The following ADARB2 variants were observed in gnomAD, a reference collection of about 807,000 sequenced individuals.
ADARB2 encodes the protein inactive double-stranded RNA-specific editase B2.
A neutral mutation model predicts 62.2 loss-of-function variants in ADARB2; 25 were observed. That is an observed-to-expected ratio of 0.40 (90% CI 0.29 to 0.56). ADARB2 has a LOEUF of 0.56. Ranked by LOEUF, ADARB2 falls within the 20% of genes least tolerant of loss-of-function variation. The pLI, the probability that ADARB2 is intolerant of heterozygous loss-of-function variation, is 0.43. For synonymous variants in ADARB2, 572 were observed against 500.8 expected, an observed-to-expected ratio of 1.14 and a Z score of -1.90; for missense variants, 1,071 against 1,077.4, an observed-to-expected ratio of 0.99 and a Z score of 0.08.
Position 1,249,001 on chromosome 10 carries a change from C to T in ADARB2, c.1193-6702G>A, listed in dbSNP as rs531853095. Among the ~76,000 whole-genome samples the T allele has an allele frequency of 2.0e-5, 3 of 152,308 alleles. No homozygotes were observed. In the South Asian group the frequency reaches 6.2e-4, roughly 32 times the overall value. On this transcript the variant is annotated intron_variant, in intron 4 of 9. Transcript: ENST00000381312. ...TATCATGGAATGCCTAAATCATTGC[C>T]ATACTGACGTAGCCTGCACAACAAA...
intron 1 of ADARB2, among the ~76,000 whole-genome samples, chr10:1,554,119 C>A (rs765080203): frequency 2.0e-5 from 3 of 152,152 alleles, no homozygotes; most frequent in Non-Finnish European, 4.4e-5. Flanking sequence ...CTCATCTCAG[C>A]GGCCCTATTT....
rs375729590 is a variant in ADARB2, at chr10:1,502,936, C to T, written c.101-123776G>A. ...TATGGTGCCATTTATTTTCTGTCAC[C>T]ATCTTATTCATTTCCTTATTTTTTG... is the stretch of plus-strand genomic sequence containing the variant. On this transcript the variant is annotated intron_variant, in intron 1 of 9. Coordinates refer to ENST00000381312, the MANE Select transcript of ADARB2 (RefSeq NM_018702.4). Among the ~76,000 whole-genome samples, 233 of 152,150 alleles carry T rather than the reference C, an allele frequency of 1.5e-3. 1 individual carries two copies. The South Asian group carries it at 0.017, about 11-fold the overall frequency.
chr10:1,363,293 G>T lies in ADARB2; in HGVS notation c.812C>A (p.Pro271His). The T allele has an allele frequency of 8.1e-7, 1 of 1,233,902 alleles. No homozygotes were observed. The highest frequency in any genetic ancestry group is 1.0e-6 in the Non-Finnish European group (1 of 987,766). The allele number at this position is 1,233,902 out of a possible 1,614,324, so 76.4% of individuals were successfully genotyped here. Reference sequence around the variant, plus strand: ...GGGGTTGCGCTCGCCCGGGGCCGCGGGGGTGGCGGGGGTCGGGCCCACCAG... The same window carrying T: ...GGGGTTGCGCTCGCCCGGGGCCGCGTGGGTGGCGGGGGTCGGGCCCACCAG... ...LDLVGPTPAT[P>H]AAPGERNPVV... Residue 271 changes from proline to histidine, a missense_variant, in exon 3 of 10, where the codon CCC becomes CAC. By Grantham distance (77) the Pro-to-His change is moderately conservative. Transcript: ENST00000381312.
rs983434381 is a variant in ADARB2 at position 1,665,649 on chromosome 10, T to A, written c.100+71402A>T. 2.0e-5 allele frequency among the ~76,000 whole-genome samples: 3 copies of A among 152,274 alleles called. No homozygotes were observed. In the East Asian group the frequency reaches 5.8e-4, roughly 29 times the overall value. ...CTGGGAGGGGAAATGTCAGCCATTC[T>A]GAGGCAGCTCAGGGAAATCCAACTC... is the stretch of plus-strand genomic sequence containing the variant. On this transcript the variant is annotated intron_variant, in intron 1 of 9. Coordinates refer to ENST00000381312, the MANE Select transcript of ADARB2 (RefSeq NM_018702.4).
chr10:1,367,261 C>T (rs957789768), intron 2 of ADARB2, among the ~76,000 whole-genome samples: 2 of 152,178 alleles, frequency 1.3e-5, no homozygotes, highest in African/African-American at 2.4e-5. Flanking sequence ...GTTCTCCTGC[C>T]GAAGGCTCTG....
Position 1,209,115 on chromosome 10 carries a change from T to C in ADARB2, c.1682+7836A>G, listed in dbSNP as rs143428639. Among the ~76,000 whole-genome samples, 166 of 152,210 alleles carry C rather than the reference T, an allele frequency of 1.1e-3. 2 individuals are homozygous for C. Among genetic ancestry groups the C allele is most frequent in the African/African-American group, 3.8e-3 (158 of 41,514 alleles). The stretch of plus-strand genomic sequence containing the variant: ...GGCGGAGAACATTAGGTGTGCATTG[T>C]GGGAGACACACAGGATGGAGACAAA... On this transcript the variant is annotated intron_variant, in intron 7 of 9. Transcript: ENST00000381312.
intron 4 of ADARB2, among the ~76,000 whole-genome samples, chr10:1,250,847 T>G (rs572138307): frequency 6.6e-6 from 1 of 152,186 alleles, no homozygotes; most frequent in East Asian, 1.9e-4. Flanking sequence ...ATCAAGCAGG[T>G]TATAGAGGCT....
intron 3 of ADARB2, among the ~76,000 whole-genome samples, chr10:1,288,574 C>T (rs35969164): frequency 0.25 from 38,671 of 152,104 alleles, 6,157 homozygotes; most frequent in South Asian, 0.52. Flanking sequence ...CCCCACAATG[C>T]GTGCTGCCTC....
At chr10:1,421,087 C>G (rs1375537433) in intron 1 of ADARB2, among the ~76,000 whole-genome samples, 2 of 147,736 alleles carry the variant, frequency 1.4e-5, no homozygotes, top group East Asian at 2.1e-4. Flanking sequence ...CACCTCTGAT[C>G]AGAGCACTGA....
At chr10:1,187,688 A>G (rs1344046331) in intron 8 of ADARB2, among the ~76,000 whole-genome samples, 2 of 152,162 alleles carry the variant, frequency 1.3e-5, no homozygotes, top group Non-Finnish European at 2.9e-5. Flanking sequence ...ACGAGGCCCA[A>G]ACACCACCGG....
intron 1 of ADARB2, among the ~76,000 whole-genome samples, chr10:1,691,939 A>T (rs779719590): frequency 3.3e-4 from 50 of 152,220 alleles, no homozygotes; most frequent in Non-Finnish European, 6.5e-4. Flanking sequence ...GCATGTATCT[A>T]CTACTGGATT....
intron 1 of ADARB2, among the ~76,000 whole-genome samples, chr10:1,718,283 C>T (rs955778390): frequency 6.6e-6 from 1 of 152,210 alleles, no homozygotes. Flanking sequence ...TCTTCCCACT[C>T]TCCATGTTCC....
chr10:1,410,960 T>C (rs1188648123), intron 1 of ADARB2, among the ~76,000 whole-genome samples: 1 of 152,210 alleles, frequency 6.6e-6, no homozygotes, highest in Non-Finnish European at 1.5e-5. Flanking sequence ...GGCGAAGGGC[T>C]GAGTCTCAGA....
At chr10:1,502,670 C>T (rs1012697209) in intron 1 of ADARB2, among the ~76,000 whole-genome samples, 2 of 152,200 alleles carry the variant, frequency 1.3e-5, no homozygotes, top group African/African-American at 4.8e-5. Flanking sequence ...GGGTGTCACT[C>T]GGGTGCATGA....
At chr10:1,341,919 C>A (rs774202886) in intron 3 of ADARB2, among the ~76,000 whole-genome samples, 5 of 152,254 alleles carry the variant, frequency 3.3e-5, no homozygotes, top group Non-Finnish European at 1.5e-5. Context: ...TTCCTTCAGG[C>A]GGAATGGGGC....
chr10:1,289,966 C>G (rs1227445996), intron 3 of ADARB2: 2 of 151,432 alleles, frequency 1.3e-5, no homozygotes, highest in East Asian at 3.8e-4. Context: ...AGGCTGGTGG[C>G]TGAGCACAGC....
At chr10:1,541,150 T>C (rs796511058) in intron 1 of ADARB2, among the ~76,000 whole-genome samples, 289 of 35,746 alleles carry the variant, frequency 8.1e-3, no homozygotes, top group East Asian at 0.03. Flanking sequence ...ATCACAGCCG[T>C]CCAGACCCCA....
chr10:1,458,228 A>G (rs2820635), intron 1 of ADARB2, among the ~76,000 whole-genome samples: 101,296 of 151,500 alleles, frequency 0.67, 34,590 homozygotes, highest in Non-Finnish European at 0.75. Flanking sequence ...AACAGCGTGC[A>G]CCCACATTTA....
intron 1 of ADARB2, among the ~76,000 whole-genome samples, chr10:1,525,381 A>T (rs1268819622): frequency 6.6e-6 from 1 of 152,220 alleles, no homozygotes. Flanking sequence ...GAAATCTAAA[A>T]TCTGAAAACA....
Sources: allele counts gnomAD v4.1 joint callset (sites outside exome capture counted in the v4.1 genomes callset), GRCh38; gene constraint gnomAD v4.1.1; transcripts MANE v1.5; gene names NCBI Gene and HGNC (gene_info 2026-07-23, HGNC 2026-07-21).